OPCML: variants seen among roughly 807,000 people sequenced by gnomAD.
OPCML encodes opioid-binding protein/cell adhesion molecule.
Under a neutral mutation model 37.8 loss-of-function variants are expected in OPCML, and 13 were observed. The observed-to-expected ratio is 0.34, with a 90% CI of 0.22 to 0.55. The LOEUF (loss-of-function observed/expected upper bound fraction) is 0.55. OPCML is among the 20% of genes least tolerant of loss of function. OPCML has a pLI of 0.91. For synonymous variants in OPCML, 176 were observed against 168.8 expected, an observed-to-expected ratio of 1.04 and a Z score of -0.33; for missense variants, 341 against 435.6, an observed-to-expected ratio of 0.78 and a Z score of 1.93.
intron 1 of OPCML, among the ~76,000 whole-genome samples, chr11:133,396,664 C>T (rs185866492): frequency 2.0e-5 from 3 of 152,298 alleles, no homozygotes; most frequent in Non-Finnish European, 2.9e-5. Context: ...ATAATACTGG[C>T]TTAACTTTCA....
At chr11:133,115,398 C>T (rs1027271529) in intron 1 of OPCML, among the ~76,000 whole-genome samples, 5 of 152,118 alleles carry the variant, frequency 3.3e-5, no homozygotes, top group Admixed American at 2.6e-4. Context: ...TGAGAGTTTC[C>T]GAGGAACCGA....
At chr11:133,172,562 C>A (rs1252316898) in intron 1 of OPCML, among the ~76,000 whole-genome samples, 1 of 152,128 alleles carries the variant, frequency 6.6e-6, no homozygotes, top group Non-Finnish European at 1.5e-5. Flanking sequence ...AGCCTAGAGG[C>A]ATGGGACAGT....
At chr11:133,169,783 T>C (rs1950262417) in intron 1 of OPCML, among the ~76,000 whole-genome samples, 1 of 152,128 alleles carries the variant, frequency 6.6e-6, no homozygotes, top group African/African-American at 2.4e-5. Flanking sequence ...AAGAGATGGA[T>C]TGAGATGCAT....
At chr11:132,909,594 C>T (rs747854286) in intron 2 of OPCML, among the ~76,000 whole-genome samples, 29 of 152,208 alleles carry the variant, frequency 1.9e-4, no homozygotes, top group Admixed American at 3.3e-4. Context: ...AGGCTTCAGT[C>T]CGTTGTGGAG....
chr11:132,833,785 A>G (rs890865253), intron 2 of OPCML, among the ~76,000 whole-genome samples: 3 of 152,214 alleles, frequency 2.0e-5, no homozygotes, highest in African/African-American at 7.2e-5. Flanking sequence ...CCACCATTGT[A>G]TATATGCACC....
chr11:132,683,005 A>C lies in OPCML; in HGVS notation c.147-25686T>G, dbSNP rs146922912. On this transcript the variant is annotated intron_variant, in intron 2 of 7. Coordinates refer to ENST00000524381, the MANE Select transcript of OPCML (RefSeq NM_001012393.5). ...ATTAAGCCTCAAACTCATTTATAAC[A>C]TTCTCATTCTAGATTTTGATGTTCT... Among the ~76,000 whole-genome samples, 134 of 152,344 alleles carry C rather than the reference A, an allele frequency of 8.8e-4. 1 individual carries two copies. The Middle Eastern group carries it at 0.01, about 12-fold the overall frequency.
intron 1 of OPCML, among the ~76,000 whole-genome samples, chr11:133,114,024 C>G (rs185288864): frequency 6.8e-4 from 103 of 152,322 alleles, no homozygotes; most frequent in Non-Finnish European, 1.0e-4. Context: ...CAAGCTCCTC[C>G]CTGCTTCTTC....
intron 1 of OPCML, among the ~76,000 whole-genome samples, chr11:133,517,230 C>A (rs1418398262): frequency 1.3e-5 from 2 of 152,156 alleles, no homozygotes; most frequent in Non-Finnish European, 2.9e-5. Context: ...TTATCTTACT[C>A]TTTTTATCAT....
chr11:132,602,646 C>T (rs1312130869), intron 3 of OPCML, among the ~76,000 whole-genome samples: 2 of 152,194 alleles, frequency 1.3e-5, no homozygotes, highest in Non-Finnish European at 2.9e-5. Context: ...CTCCATTCCC[C>T]TAAAGTTTCA....
chr11:132,687,557 ATCTT>A (rs1943220983), intron 2 of OPCML, among the ~76,000 whole-genome samples: 1 of 151,378 alleles, frequency 6.6e-6, no homozygotes, highest in Admixed American at 6.6e-5. Context: ...TTTTTAAAAT[ATCTT>A]TCTATTATAT....
intron 1 of OPCML, among the ~76,000 whole-genome samples, chr11:133,387,683 A>G (rs758031511): frequency 6.6e-6 from 1 of 152,256 alleles, no homozygotes; most frequent in Non-Finnish European, 1.5e-5. Flanking sequence ...TTCTTTAGAT[A>G]AAAATGCAGG....
At chr11:133,507,373 G>A (rs184048331) in intron 1 of OPCML, among the ~76,000 whole-genome samples, 73 of 152,290 alleles carry the variant, frequency 4.8e-4, no homozygotes, top group African/African-American at 1.4e-3. Flanking sequence ...GTGCTCATTC[G>A]AACTATGAAA....
chr11:132,769,628 T>C (rs1056239664), intron 2 of OPCML, among the ~76,000 whole-genome samples: 3 of 152,136 alleles, frequency 2.0e-5, no homozygotes, highest in Non-Finnish European at 2.9e-5. Context: ...GCCAGTCCAG[T>C]AGCATAACCA....
chr11:132,605,384 C>T (rs1375025776), intron 3 of OPCML, among the ~76,000 whole-genome samples: 1 of 150,772 alleles, frequency 6.6e-6, no homozygotes, highest in East Asian at 2.0e-4. Context: ...GGTGAAACCT[C>T]ATCTCTACTA....
In OPCML at chr11:133,208,034, C is replaced by G. The variant is rs183104772; in HGVS notation, c.62-265024G>C. ...TAAGAACTCAAACTGCATTTAACCA[C>G]CCTAGGCAAGGTTAAGAGCTCCTTA... On this transcript the variant is annotated intron_variant, in intron 1 of 7. Transcript: ENST00000524381. This position sits in a 1 kb window ranked among gnomAD's most constrained non-coding sequence, Gnocchi z 8.9. Among the ~76,000 whole-genome samples, 1 of 152,192 alleles carries G rather than the reference C, an allele frequency of 6.6e-6. No individual in the cohort carries two copies. The highest frequency in any genetic ancestry group is 2.1e-4 in the South Asian group (1 of 4,834).
chr11:133,148,816 C>T (rs1949934359), intron 1 of OPCML, among the ~76,000 whole-genome samples: 1 of 152,158 alleles, frequency 6.6e-6, no homozygotes, highest in Admixed American at 6.5e-5. Context: ...GCATGTTTTC[C>T]ACCCTGGCAC....
intron 4 of OPCML, among the ~76,000 whole-genome samples, chr11:132,504,878 T>TC (rs1056301940): frequency 2.0e-5 from 3 of 151,470 alleles, no homozygotes; most frequent in Non-Finnish European, 4.4e-5. Context: ...GTCACTGAGG[T>TC]CCCCCTGGAG....
intron 1 of OPCML, among the ~76,000 whole-genome samples, chr11:133,169,154 T>G (rs1214078466): frequency 6.6e-6 from 1 of 151,938 alleles, no homozygotes; most frequent in African/African-American, 2.4e-5. Context: ...AAATAAAAAT[T>G]TAAAAAGTAA....
At chr11:132,523,396 C>A (rs1318984683) in intron 4 of OPCML, among the ~76,000 whole-genome samples, 1 of 137,656 alleles carries the variant, frequency 7.3e-6, no homozygotes, top group South Asian at 2.3e-4. Context: ...GTCATCAGTG[C>A]CATTGATCAC....
Sources: gnomAD v4.1 joint callset for allele counts (sites outside exome capture counted in the v4.1 genomes callset) on GRCh38, gnomAD v4.1.1 for gene constraint, Gnocchi (gnomAD v3.1) non-coding constraint, MANE v1.5 for transcripts, NCBI Gene and HGNC (gene_info 2026-07-23, HGNC 2026-07-21) for gene names.